MAP3K5: variants seen among roughly 807,000 people sequenced by gnomAD.
MAP3K5 encodes the protein mitogen-activated protein kinase kinase kinase 5.
A neutral mutation model predicts 158.7 loss-of-function variants in MAP3K5; 56 were observed. The observed-to-expected ratio is 0.35, with a 90% CI of 0.28 to 0.44. The LOEUF (loss-of-function observed/expected upper bound fraction) is 0.44, where lower values mean the gene tolerates loss of function less well. Ranked by LOEUF, MAP3K5 falls within the 20% of genes least tolerant of loss-of-function variation. The pLI, the probability that MAP3K5 is intolerant of heterozygous loss-of-function variation, is 1.00. For synonymous variants in MAP3K5, 579 were observed against 601.7 expected (o/e 0.96, Z 0.55); for missense variants, 1,294 against 1,674.8 (o/e 0.77, Z 3.97).
At chr6:136,583,370 C>G (rs1296195675) in intron 24 of MAP3K5, among the ~76,000 whole-genome samples, 185 bp downstream of exon 24, 2 of 152,168 alleles carry the variant, frequency 1.3e-5, no homozygotes. Flanking sequence ...TTGGGGAATG[C>G]AAACACACAA....
At chr6:136,765,406 C>T (rs1008980611) in intron 1 of MAP3K5, among the ~76,000 whole-genome samples, 1 of 152,216 alleles carries the variant, frequency 6.6e-6, no homozygotes, top group African/African-American at 2.4e-5. Context: ...AGGACATCCT[C>T]CCACCTCCAC....
In MAP3K5 at chr6:136,656,321, C is replaced by G; in HGVS notation, c.1666G>C (p.Val556Leu). The change falls in exon 10 of 30, where the codon GTG (valine) becomes CTG (leucine). Residue 556 changes from valine to leucine, a missense_variant. This residue lies in a region of MAP3K5 where 690 missense variants were observed against 870.5 expected (regional missense o/e 0.79). Transcript: ENST00000359015. ...AGAGTACTCACTGGAAACCTAACCA[C>G]AGTAACATCTGTCTTTGTGGCCTCG... ...LVEATKTDVT[V>L]VRFPVLILEP... The G allele has an allele frequency of 6.2e-7, 1 of 1,613,960 alleles. No homozygotes were observed. Among genetic ancestry groups the G allele is most frequent in the Non-Finnish European group, 8.5e-7 (1 of 1,179,874 alleles).
At chr6:136,722,222 T>C (rs574084601) in intron 1 of MAP3K5, among the ~76,000 whole-genome samples, 23 of 152,238 alleles carry the variant, frequency 1.5e-4, no homozygotes, top group Non-Finnish European at 2.5e-4. Flanking sequence ...AAAACTATTA[T>C]GAAAACAAAG....
chr6:136,702,783 C>T (rs1780908251), intron 3 of MAP3K5, among the ~76,000 whole-genome samples: 1 of 152,166 alleles, frequency 6.6e-6, no homozygotes, highest in Non-Finnish European at 1.5e-5. Context: ...GCAGCCTCTG[C>T]CTCCTGGGTG....
At chr6:136,688,423 A>T (rs959912775) in intron 7 of MAP3K5, among the ~76,000 whole-genome samples, 45 of 150,536 alleles carry the variant, frequency 3.0e-4, no homozygotes, top group African/African-American at 6.8e-4. Flanking sequence ...AGTATAATTT[A>T]AAAAAAAAAT....
At chr6:136,734,281 G>A (rs561931900) in intron 1 of MAP3K5, among the ~76,000 whole-genome samples, 1 of 151,998 alleles carries the variant, frequency 6.6e-6, no homozygotes, top group East Asian at 1.9e-4. Flanking sequence ...TTAGCCAGGT[G>A]CAGTGACACA....
At chr6:136,623,040 CA>C in intron 14 of MAP3K5, 59 bp from the exon 15 acceptor site, 5 of 1,561,968 alleles carry the variant, frequency 3.2e-6, no homozygotes, top group African/African-American at 1.4e-5. Flanking sequence ...ACATTTCAAA[CA>C]TCAAATTTTT....
At chr6:136,780,297 T>C (rs966074398) in intron 1 of MAP3K5, among the ~76,000 whole-genome samples, 5 of 152,252 alleles carry the variant, frequency 3.3e-5, no homozygotes, top group South Asian at 2.1e-4. Context: ...ATACAATTGA[T>C]TTCTACCCTT....
At chr6:136,597,657 A>G (rs558110237) in intron 21 of MAP3K5, among the ~76,000 whole-genome samples, 1 of 152,364 alleles carries the variant, frequency 6.6e-6, no homozygotes, top group South Asian at 2.1e-4. Context: ...AAGCATTGCA[A>G]GAGATCCATG....
chr6:136,557,683 G>A lies in MAP3K5; in HGVS notation c.*75C>T, dbSNP rs538134839. The A allele has an allele frequency of 1.6e-5, 17 of 1,059,396 alleles. No homozygotes were observed. Among genetic ancestry groups the A allele is most frequent in the South Asian group, 1.5e-4 (12 of 77,910 alleles). The allele number at this position is 1,059,396 out of a possible 1,614,324, so 65.6% of individuals were successfully genotyped here. ...TGCAGCGCCTTTCTCCTCTCCCTTC[G>A]ATTTTCCCACCCCCAAGAAGATCAG... is the stretch of plus-strand genomic sequence containing the variant. On this transcript the variant is annotated 3_prime_UTR_variant, in exon 30 of 30. Transcript: ENST00000359015.
chr6:136,625,037 G>A (rs780624707), intron 14 of MAP3K5, among the ~76,000 whole-genome samples: 1 of 152,174 alleles, frequency 6.6e-6, no homozygotes, highest in Non-Finnish European at 1.5e-5. Context: ...TAGAAATGAA[G>A]AGGAAAGGAA....
intron 1 of MAP3K5, among the ~76,000 whole-genome samples, chr6:136,764,873 TTGATG>T (rs1459312532): frequency 1.3e-5 from 2 of 152,202 alleles, no homozygotes; most frequent in African/African-American, 2.4e-5. Flanking sequence ...CTGGCCCTAA[TTGATG>T]TGTTTGTCTC....
intron 25 of MAP3K5, among the ~76,000 whole-genome samples, chr6:136,568,991 C>T (rs1583195913): frequency 6.6e-6 from 1 of 151,606 alleles, no homozygotes; most frequent in African/African-American, 2.4e-5. Flanking sequence ...AAAACTAGTT[C>T]AGGCCATTAT....
At chr6:136,661,836 T>C (rs1015484132) in intron 8 of MAP3K5, among the ~76,000 whole-genome samples, 1 of 152,196 alleles carries the variant, frequency 6.6e-6, no homozygotes, top group Non-Finnish European at 1.5e-5. Context: ...CCACCATACC[T>C]GACCCAATAA....
Position 136,768,982 on chromosome 6 carries a change from T to C in MAP3K5, c.448+22728A>G, listed in dbSNP as rs992276967. 2.0e-5 allele frequency among the ~76,000 whole-genome samples: 3 copies of C among 151,712 alleles called. 1 individual carries two copies. The highest frequency in any genetic ancestry group is 7.3e-5 in the African/African-American group (3 of 41,290). On this transcript the variant is annotated intron_variant, in intron 1 of 29. Coordinates refer to ENST00000359015, the MANE Select transcript of MAP3K5 (RefSeq NM_005923.4). ...AAAAGTTCAGCATTGAATTACCGTATGACCCAGCAATTCCACTCCTAGATA... is the reference window on the plus strand; with the variant it reads ...AAAAGTTCAGCATTGAATTACCGTACGACCCAGCAATTCCACTCCTAGATA...
Position 136,592,956 on chromosome 6 carries a change from T to A in MAP3K5, c.2879-342A>T, listed in dbSNP as rs147338664. On this transcript the variant is annotated intron_variant, in intron 21 of 29. Coordinates refer to ENST00000359015, the MANE Select transcript of MAP3K5 (RefSeq NM_005923.4). ...TTCTATTTATGGGTCTCAGTTTTCATATTTATCAAATTCAGGGTCAGATTG... is the reference window on the plus strand; with the variant it reads ...TTCTATTTATGGGTCTCAGTTTTCAAATTTATCAAATTCAGGGTCAGATTG... 4.4e-4 allele frequency among the ~76,000 whole-genome samples: 67 copies of A among 152,300 alleles called. No individual in the cohort carries two copies. In the East Asian group the frequency reaches 0.012, roughly 27 times the overall value.
intron 9 of MAP3K5, among the ~76,000 whole-genome samples, chr6:136,658,950 G>A (rs1476808397): frequency 6.6e-6 from 1 of 152,224 alleles, no homozygotes; most frequent in East Asian, 1.9e-4. Context: ...GCCTCTGCAT[G>A]ATTCACATGG....
intron 1 of MAP3K5, among the ~76,000 whole-genome samples, chr6:136,728,097 T>C (rs548883240): frequency 6.6e-6 from 1 of 152,356 alleles, no homozygotes; most frequent in African/African-American, 2.4e-5. Context: ...AAGTGGAGGA[T>C]AACACAAGGT....
chr6:136,629,963 G>A (rs1414199402), intron 14 of MAP3K5, among the ~76,000 whole-genome samples: 1 of 151,664 alleles, frequency 6.6e-6, no homozygotes, highest in Non-Finnish European at 1.5e-5. Context: ...TTTTAGCCAG[G>A]TTGGTCTCAA....
Sources: gnomAD v4.1 joint callset for allele counts (sites outside exome capture counted in the v4.1 genomes callset) on GRCh38, gnomAD v4.1.1 for gene constraint, gnomAD v4.1.1 regional missense constraint, MANE v1.5 for transcripts, NCBI Gene and HGNC (gene_info 2026-07-23, HGNC 2026-07-21) for gene names.